Variants in PPP1R9A observed in about 807,000 individuals in gnomAD.
PPP1R9A encodes the protein neurabin-1.
A neutral mutation model predicts 141.9 loss-of-function variants in PPP1R9A; 59 were observed. The observed-to-expected ratio is 0.42, with a 90% confidence interval of 0.34 to 0.52. PPP1R9A has a LOEUF of 0.52. Among genes scored for constraint, PPP1R9A ranks in the 20% least tolerant of loss-of-function variants. The pLI is 0.10. For missense variants in PPP1R9A, 1,444 were observed against 1,611.9 expected, an observed-to-expected ratio of 0.90 and a Z score of 1.78; for synonymous variants, 500 against 569.7, an observed-to-expected ratio of 0.88 and a Z score of 1.74.
chr7:94,954,503 T>C (rs1796853024), intron 2 of PPP1R9A, among the ~76,000 whole-genome samples: 1 of 152,012 alleles, frequency 6.6e-6, no homozygotes, highest in Admixed American at 6.6e-5. Flanking sequence ...TGAAGGCCTC[T>C]TTTAAAGTCT....
intron 7 of PPP1R9A, among the ~76,000 whole-genome samples, chr7:95,216,492 G>A (rs375851856): frequency 6.6e-6 from 1 of 152,056 alleles, no homozygotes; most frequent in Non-Finnish European, 1.5e-5. Flanking sequence ...GTTTTTTCCA[G>A]TTCTGTGAAG....
intron 2 of PPP1R9A, among the ~76,000 whole-genome samples, chr7:95,074,790 G>A (rs115195485): frequency 0.015 from 2,253 of 151,928 alleles, 49 homozygotes; most frequent in African/African-American, 0.051. Context: ...CTACATATTT[G>A]AAGTTTCCAT....
intron 5 of PPP1R9A, among the ~76,000 whole-genome samples, chr7:95,189,414 T>C (rs2152824970): frequency 6.6e-6 from 1 of 151,662 alleles, no homozygotes; most frequent in East Asian, 1.9e-4. Context: ...TCCTAAATTT[T>C]TTGGAGGGTT....
rs539853181 is a variant in PPP1R9A at position 95,008,899 on chromosome 7, C to T, written c.1395+97391C>T. Among the ~76,000 whole-genome samples the T allele has an allele frequency of 2.0e-5, 3 of 152,214 alleles. No homozygotes were observed. The South Asian group carries it at 6.2e-4, about 32-fold the overall frequency. ...CACAATAGCAGAGACTTGGAACCAA[C>T]CCAAATGTCCATCAGTGATAGACTG... On this transcript the variant is annotated intron_variant, in intron 2 of 19. Transcript: ENST00000433360.
intron 2 of PPP1R9A, among the ~76,000 whole-genome samples, chr7:95,028,277 G>T (rs1807177502): frequency 6.6e-6 from 1 of 152,108 alleles, no homozygotes; most frequent in Non-Finnish European, 1.5e-5. Context: ...GTAATGCAAA[G>T]TTGGACAAAC....
At chr7:94,948,995 T>C (rs891502542) in intron 2 of PPP1R9A, among the ~76,000 whole-genome samples, 1 of 152,212 alleles carries the variant, frequency 6.6e-6, no homozygotes, top group Non-Finnish European at 1.5e-5. Context: ...CATGGCCTAA[T>C]GTTTTTACCT....
At chr7:94,928,441 C>G (rs1793750194) in intron 2 of PPP1R9A, among the ~76,000 whole-genome samples, 1 of 152,116 alleles carries the variant, frequency 6.6e-6, no homozygotes, top group South Asian at 2.1e-4. Flanking sequence ...CCATTGGTCC[C>G]CCATTTTTTC....
intron 16 of PPP1R9A, among the ~76,000 whole-genome samples, chr7:95,279,124 G>A (rs533371239): frequency 1.3e-5 from 2 of 152,262 alleles, no homozygotes; most frequent in East Asian, 3.9e-4. Flanking sequence ...GATGACTTTT[G>A]TTATATCTTG....
intron 4 of PPP1R9A, among the ~76,000 whole-genome samples, chr7:95,125,806 T>C (rs1404645162): frequency 2.0e-5 from 3 of 152,206 alleles, no homozygotes; most frequent in African/African-American, 7.2e-5. Flanking sequence ...TCATTCAAGT[T>C]TGGTTTTTAA....
At chr7:95,155,111 A>G (rs1829370885) in intron 4 of PPP1R9A, 1 of 152,098 alleles carries the variant, frequency 6.6e-6, no homozygotes, top group Non-Finnish European at 1.5e-5. Context: ...TCAAAATTTA[A>G]AGAAAAAAGC....
intron 2 of PPP1R9A, among the ~76,000 whole-genome samples, chr7:95,044,803 G>A (rs987797272): frequency 2.7e-5 from 4 of 150,742 alleles, no homozygotes; most frequent in African/African-American, 7.3e-5. Context: ...GAATGCCTGC[G>A]CTCAAGTGGT....
chr7:95,240,793 AT>A (rs1026575905), intron 8 of PPP1R9A, among the ~76,000 whole-genome samples: 10 of 151,940 alleles, frequency 6.6e-5, no homozygotes, highest in Non-Finnish European at 1.3e-4. Context: ...ATCTTAAAAT[AT>A]TTTTTTACTT....
At chr7:95,216,689 G>T (rs1793495797) in intron 7 of PPP1R9A, among the ~76,000 whole-genome samples, 1 of 152,150 alleles carries the variant, frequency 6.6e-6, no homozygotes, top group Non-Finnish European at 1.5e-5. Flanking sequence ...CACATCCCTT[G>T]TAAGTTGGGA....
intron 4 of PPP1R9A, among the ~76,000 whole-genome samples, chr7:95,136,596 T>G (rs1825707704): frequency 6.6e-6 from 1 of 152,202 alleles, no homozygotes; most frequent in Admixed American, 6.5e-5. Flanking sequence ...AATATGTGAT[T>G]GTGGGAAAGA....
At chr7:95,223,228 T>C (rs541494424) in intron 7 of PPP1R9A, among the ~76,000 whole-genome samples, 32 of 151,950 alleles carry the variant, frequency 2.1e-4, no homozygotes, top group African/African-American at 7.2e-4. Flanking sequence ...GTAATTTGGG[T>C]ATTGGGAAGG....
chr7:94,913,474 A>T (rs927305947), intron 2 of PPP1R9A, among the ~76,000 whole-genome samples: 2 of 152,202 alleles, frequency 1.3e-5, no homozygotes, highest in Non-Finnish European at 2.9e-5. Context: ...AAATTAGATC[A>T]AGCATAAGAC....
chr7:95,171,131 C>G (rs1417410620), intron 5 of PPP1R9A, among the ~76,000 whole-genome samples: 3 of 151,374 alleles, frequency 2.0e-5, no homozygotes, highest in Non-Finnish European at 3.0e-5. Context: ...TATAAAAGTA[C>G]TTTATCCAAA....
At chr7:95,001,696 AT>A (rs1802948422) in intron 2 of PPP1R9A, among the ~76,000 whole-genome samples, 1 of 152,138 alleles carries the variant, frequency 6.6e-6, no homozygotes, top group African/African-American at 2.4e-5. Flanking sequence ...TTTGATTAGT[AT>A]TTTTTGTTAA....
chr7:95,240,793 A>AT (rs1026575905), intron 8 of PPP1R9A, among the ~76,000 whole-genome samples: 1 of 151,940 alleles, frequency 6.6e-6, no homozygotes, highest in African/African-American at 2.4e-5. Context: ...ATCTTAAAAT[A>AT]TTTTTTTACT....
Sources: allele counts gnomAD v4.1 joint callset (sites outside exome capture counted in the v4.1 genomes callset), GRCh38; gene constraint gnomAD v4.1.1; transcripts MANE v1.5; gene names NCBI Gene and HGNC (gene_info 2026-07-23, HGNC 2026-07-21).